The following CAMTA1 variants were observed in gnomAD, a reference collection of about 807,000 sequenced individuals.
CAMTA1 encodes the protein calmodulin-binding transcription activator 1.
A neutral mutation model predicts 170.9 loss-of-function variants in CAMTA1; 27 were observed. That is an observed-to-expected ratio of 0.16 (90% confidence interval 0.12 to 0.22). The LOEUF (loss-of-function observed/expected upper bound fraction) is 0.22, where lower values mean the gene tolerates loss of function less well. Ranked by LOEUF, CAMTA1 falls within the 10% of genes least tolerant of loss-of-function variation. The probability of loss-of-function intolerance (pLI) is 1.00; values close to 1 mark genes in which losing one functional copy is unlikely to be tolerated. For synonymous variants in CAMTA1, 833 were observed against 891.5 expected, an observed-to-expected ratio of 0.93 and a Z score of 1.17; for missense variants, 1,619 against 2,217.2, an observed-to-expected ratio of 0.73 and a Z score of 5.42.
intron 3 of CAMTA1, among the ~76,000 whole-genome samples, chr1:7,086,478 T>G (rs570048155): frequency 6.6e-6 from 1 of 152,246 alleles, no homozygotes; most frequent in African/African-American, 2.4e-5. Context: ...CAGTGGTCAT[T>G]AGTACATTCA....
At chr1:7,581,414 G>T (rs2095259661) in intron 6 of CAMTA1, among the ~76,000 whole-genome samples, 1 of 152,186 alleles carries the variant, frequency 6.6e-6, no homozygotes, top group South Asian at 2.1e-4. Context: ...TGTTCCCTGG[G>T]GACACCCTCC....
rs74631526 is a variant in CAMTA1, at chr1:7,511,142, A to C, written c.510+43241A>C. 6.1e-4 allele frequency among the ~76,000 whole-genome samples: 89 copies of C among 145,756 alleles called. 2 individuals carry two copies. The highest frequency in any genetic ancestry group is 2.2e-3 in the African/African-American group (88 of 40,778). On this transcript the variant is annotated intron_variant, in intron 6 of 22. Coordinates refer to ENST00000303635, the MANE Select transcript of CAMTA1 (RefSeq NM_015215.4). ...GAAGGCAGGAACTGTGCCTACGAGCATTTCCAACCCCCTTCCCAATTAGCA... is the reference window on the plus strand; with the variant it reads ...GAAGGCAGGAACTGTGCCTACGAGCCTTTCCAACCCCCTTCCCAATTAGCA...
At chr1:6,901,573 C>T (rs1384556154) in intron 3 of CAMTA1, among the ~76,000 whole-genome samples, 1 of 152,184 alleles carries the variant, frequency 6.6e-6, no homozygotes, top group East Asian at 1.9e-4. Flanking sequence ...GTTCTCTAGA[C>T]ATCTTAGGAT....
At chr1:6,964,271 G>A (rs545704613) in intron 3 of CAMTA1, among the ~76,000 whole-genome samples, 4 of 151,878 alleles carry the variant, frequency 2.6e-5, no homozygotes, top group Admixed American at 6.6e-5. Flanking sequence ...TCTGTATAGG[G>A]GTGCGGAGTC....
intron 5 of CAMTA1, among the ~76,000 whole-genome samples, chr1:7,448,650 G>A (rs889469309): frequency 6.6e-6 from 1 of 152,354 alleles, no homozygotes; most frequent in East Asian, 1.9e-4. Context: ...TATCTGGTGA[G>A]GGCCTTCTTC....
At chr1:7,564,549 G>A (rs2095011225) in intron 6 of CAMTA1, among the ~76,000 whole-genome samples, 1 of 152,206 alleles carries the variant, frequency 6.6e-6, no homozygotes, top group Non-Finnish European at 1.5e-5. Flanking sequence ...CAGCAAATAT[G>A]AGTCTTGGTT....
At chr1:6,791,666 G>C (rs998605558) in intron 1 of CAMTA1, among the ~76,000 whole-genome samples, 3 of 152,232 alleles carry the variant, frequency 2.0e-5, no homozygotes, top group Non-Finnish European at 4.4e-5. Flanking sequence ...TTGAGAGTGA[G>C]AGTGAGAAGC....
Position 7,549,038 on chromosome 1 carries a change from G to A in CAMTA1, c.510+81137G>A, listed in dbSNP as rs2094757974. 1.4e-5 allele frequency among the ~76,000 whole-genome samples: 2 copies of A among 143,024 alleles called. 1 individual carries two copies. Among genetic ancestry groups the A allele is most frequent in the Non-Finnish European group, 3.1e-5 (2 of 64,830 alleles). 93.8% of individuals were successfully genotyped at this position (143,024 alleles called of 152,430 possible). Reference sequence around the variant, plus strand: ...CCCCCTTAGGGGTGGAGATGCCCATGGAAGGTGCCCCCTTAGGGGTGGAGG... The same window carrying A: ...CCCCCTTAGGGGTGGAGATGCCCATAGAAGGTGCCCCCTTAGGGGTGGAGG... On this transcript the variant is annotated intron_variant, in intron 6 of 22. Coordinates refer to ENST00000303635, the MANE Select transcript of CAMTA1 (RefSeq NM_015215.4).
chr1:7,396,363 C>T (rs1051938644), intron 5 of CAMTA1, among the ~76,000 whole-genome samples: 1 of 152,150 alleles, frequency 6.6e-6, no homozygotes, highest in Non-Finnish European at 1.5e-5. Context: ...CCTGTAGAGC[C>T]ATGAGCTAAA....
At chr1:6,823,492 A>G (rs987557529) in intron 2 of CAMTA1, among the ~76,000 whole-genome samples, 4 of 152,168 alleles carry the variant, frequency 2.6e-5, no homozygotes, top group Admixed American at 2.6e-4. Context: ...GCTTATAGAA[A>G]TAGAGGATGG....
At chr1:7,404,492 G>A (rs2090145508) in intron 5 of CAMTA1, among the ~76,000 whole-genome samples, 1 of 152,240 alleles carries the variant, frequency 6.6e-6, no homozygotes, top group Admixed American at 6.5e-5. Context: ...CGAGGAGAGT[G>A]GCCTGTTGCC....
At chr1:7,625,179 G>A (rs2095624970) in intron 6 of CAMTA1, among the ~76,000 whole-genome samples, 1 of 152,208 alleles carries the variant, frequency 6.6e-6, no homozygotes, top group Admixed American at 6.5e-5. Flanking sequence ...TGGGAAGATG[G>A]CTCTGAGAGT....
chr1:7,257,113 G>A (rs1667532217), intron 5 of CAMTA1, among the ~76,000 whole-genome samples: 1 of 150,814 alleles, frequency 6.6e-6, no homozygotes, highest in Admixed American at 6.7e-5. Flanking sequence ...TACATGTTGG[G>A]GGAACACAGA....
intron 5 of CAMTA1, among the ~76,000 whole-genome samples, chr1:7,461,580 C>T (rs1413227005): frequency 6.6e-6 from 1 of 152,254 alleles, no homozygotes; most frequent in Non-Finnish European, 1.5e-5. Context: ...TTTAAAGACA[C>T]CTGTTGAGCA....
At chr1:7,412,450 T>G (rs953911967) in intron 5 of CAMTA1, among the ~76,000 whole-genome samples, 2 of 152,090 alleles carry the variant, frequency 1.3e-5, no homozygotes, top group African/African-American at 4.8e-5. Context: ...TGATCGCCAT[T>G]CTAACTGGTG....
intron 3 of CAMTA1, among the ~76,000 whole-genome samples, chr1:6,854,582 G>A (rs907571291): frequency 2.6e-5 from 4 of 152,188 alleles, no homozygotes; most frequent in Non-Finnish European, 4.4e-5. Context: ...CCCAATAACT[G>A]TAGACTGTAC....
intron 5 of CAMTA1, among the ~76,000 whole-genome samples, chr1:7,291,177 A>T (rs184281510): frequency 6.6e-6 from 1 of 152,264 alleles, no homozygotes; most frequent in African/African-American, 2.4e-5. Context: ...TCACTCCATG[A>T]CAGACACAGT....
rs1681269165 is a variant in CAMTA1 at position 6,918,293 on chromosome 1, A to G, written c.234+93083A>G. 6.6e-6 allele frequency among the ~76,000 whole-genome samples: 1 copy of G among 152,168 alleles called. No homozygotes were observed. The highest frequency in any genetic ancestry group is 2.4e-5 in the African/African-American group (1 of 41,434). On this transcript the variant is annotated intron_variant, in intron 3 of 22. Transcript: ENST00000303635. This position sits in a 1 kb window ranked among gnomAD's most constrained non-coding sequence, Gnocchi z 4.0. ...GAATAATATTTTTTTAATCTAAAAGAACTTTACATTTATGCTTGACTGAAG... is the reference window on the plus strand; with the variant it reads ...GAATAATATTTTTTTAATCTAAAAGGACTTTACATTTATGCTTGACTGAAG...
intron 4 of CAMTA1, among the ~76,000 whole-genome samples, chr1:7,166,365 C>T (rs1283912950): frequency 6.6e-6 from 1 of 152,202 alleles, no homozygotes; most frequent in Non-Finnish European, 1.5e-5. Context: ...CGCGTCCGGC[C>T]TACTTGGATA....
Sources: gnomAD v4.1 joint callset for allele counts (sites outside exome capture counted in the v4.1 genomes callset) on GRCh38, gnomAD v4.1.1 for gene constraint, Gnocchi (gnomAD v3.1) non-coding constraint, MANE v1.5 for transcripts, NCBI Gene and HGNC (gene_info 2026-07-23, HGNC 2026-07-21) for gene names.